Variants in KLHL6 observed in about 807,000 individuals in gnomAD.
KLHL6 encodes kelch-like protein 6.
A neutral mutation model predicts 58.6 loss-of-function variants in KLHL6; 41 were observed. The ratio of observed to expected loss-of-function variants is 0.70; its 90% CI spans 0.55 to 0.91. The LOEUF (loss-of-function observed/expected upper bound fraction) is 0.91, where lower values mean the gene tolerates loss of function less well. KLHL6 is among the 40% of genes least tolerant of loss of function. The probability of loss-of-function intolerance (pLI) is 0.00; values close to 1 mark genes in which losing one functional copy is unlikely to be tolerated. For synonymous variants in KLHL6, 338 were observed against 322.7 expected (o/e 1.05, Z -0.51); for missense variants, 714 against 805.6 (o/e 0.89, Z 1.38).
In KLHL6 at chr3:183,491,743, T is replaced by C. The variant is rs1349014194; in HGVS notation, c.*184A>G. On this transcript the variant is annotated 3_prime_UTR_variant, in exon 7 of 7. Transcript: ENST00000341319. ...CCTCCTGAGGTAGGTCATGCAAACA[T>C]TCCTGGCCGGTCTCAAGTGACCCCA... 6.3e-6 allele frequency: 3 copies of C among 475,010 alleles called. No homozygotes were observed. The highest frequency in any genetic ancestry group is 1.1e-5 in the Non-Finnish European group (3 of 279,732). The allele number at this position is 475,010 out of a possible 1,614,324, so 29.4% of individuals were successfully genotyped here.
intron 1 of KLHL6, among the ~76,000 whole-genome samples, chr3:183,542,188 CT>C (rs1400806143): frequency 6.6e-6 from 1 of 152,192 alleles, no homozygotes; most frequent in African/African-American, 2.4e-5. Context: ...ACCTAAGGGT[CT>C]GCCTAGATTG....
At position 183,494,095 on chromosome 3, in the gene KLHL6, T is replaced by C; in HGVS notation, c.1334A>G (p.His445Arg). The change falls in exon 5 of 7, where the codon CAC becomes CGC. Residue 445 changes from histidine to arginine, a missense_variant. Physicochemically the swap from His to Arg is conservative, Grantham distance 29. This residue lies in a region of KLHL6 where 510 missense variants were observed against 629.7 expected (regional missense o/e 0.81). Coordinates refer to ENST00000341319, the MANE Select transcript of KLHL6 (RefSeq NM_130446.4). Reference protein sequence around the residue: ...INNVETYDPFHNCWSEAAPLL... With the variant: ...INNVETYDPFRNCWSEAAPLL... ...GTCCTATACCTCTGACCAGCAGTTG[T>C]GAAAGGGGTCGTAGGTCTCCACATT... The C allele has an allele frequency of 1.2e-6, 2 of 1,614,156 alleles. No homozygotes were observed. The highest frequency in any genetic ancestry group is 1.3e-5 in the African/African-American group (1 of 75,050).
chr3:183,528,037 T>A, intron 1 of KLHL6, 27 bp from the exon 2 acceptor site: 1 of 1,613,574 alleles, frequency 6.2e-7, no homozygotes, highest in Non-Finnish European at 8.5e-7. Flanking sequence ...TGAATGTGAA[T>A]CGTGCCGAGA....
chr3:183,534,947 TA>T (rs372295530), intron 1 of KLHL6, among the ~76,000 whole-genome samples: 83,103 of 128,094 alleles, frequency 0.65, 27,034 homozygotes, highest in East Asian at 0.77. Flanking sequence ...TATATATATA[TA>T]TATTTTTTTT....
At chr3:183,497,122 C>CA (rs1717734643) in intron 4 of KLHL6, among the ~76,000 whole-genome samples, 3 of 151,806 alleles carry the variant, frequency 2.0e-5, no homozygotes, top group Admixed American at 2.0e-4. Flanking sequence ...ACCAAAAATA[C>CA]AAAAATTAAC....
chr3:183,514,622 A>T (rs1711511356), intron 2 of KLHL6, among the ~76,000 whole-genome samples: 1 of 152,038 alleles, frequency 6.6e-6, no homozygotes, highest in Non-Finnish European at 1.5e-5. Context: ...TATTATAGCC[A>T]TGACTCTATC....
At chr3:183,544,773 C>CAT (rs1712665395) in intron 1 of KLHL6, 1 of 154,240 alleles carries the variant, frequency 6.5e-6, no homozygotes, top group South Asian at 2.1e-4. Flanking sequence ...CACACACACA[C>CAT]ACACACACAC....
chr3:183,540,878 C>T (rs1469226824), intron 1 of KLHL6, among the ~76,000 whole-genome samples: 2 of 152,204 alleles, frequency 1.3e-5, no homozygotes, highest in African/African-American at 4.8e-5. Context: ...GAGGTCGGCT[C>T]AGATTCTCAC....
At chr3:183,535,902 A>T (rs377164815) in intron 1 of KLHL6, among the ~76,000 whole-genome samples, 168 of 152,312 alleles carry the variant, frequency 1.1e-3, no homozygotes, top group African/African-American at 3.6e-3. Context: ...CAGCCTCCTG[A>T]GTAGCTAGGG....
At chr3:183,546,029 G>A (rs529859331) in intron 1 of KLHL6, among the ~76,000 whole-genome samples, 6 of 152,282 alleles carry the variant, frequency 3.9e-5, no homozygotes, top group East Asian at 1.9e-4. Context: ...CAATGGCATC[G>A]AGGAGAAGAA....
chr3:183,512,108 C>G lies in KLHL6; in HGVS notation c.460-3600G>C, dbSNP rs138766511. On this transcript the variant is annotated intron_variant, in intron 2 of 6. Transcript: ENST00000341319. Reference sequence around the variant, plus strand: ...AAGACTAAAAATATGCAACAAAGACCAAGCCTCGTGAGCCCTCAGAACTGG... The same window carrying G: ...AAGACTAAAAATATGCAACAAAGACGAAGCCTCGTGAGCCCTCAGAACTGG... Among the ~76,000 whole-genome samples, 3 of 152,266 alleles carry G rather than the reference C, an allele frequency of 2.0e-5. No individual in the cohort carries two copies. The East Asian group carries it at 5.8e-4, about 29-fold the overall frequency.
At position 183,491,527 on chromosome 3, in the gene KLHL6, A is replaced by C; in HGVS notation, c.*400T>G. On this transcript the variant is annotated 3_prime_UTR_variant, in exon 7 of 7. Transcript: ENST00000341319. ...GACCTGGATTTTAGACTCCTGGGGT[A>C]GCTACTTGCTATCTGAGTGATCAGG... 1 of 171,802 alleles carries C rather than the reference A, an allele frequency of 5.8e-6. No individual in the cohort carries two copies. The highest frequency in any genetic ancestry group is 1.2e-5 in the Non-Finnish European group (1 of 81,512). The allele number at this position is 171,802 out of a possible 1,614,324, so 10.6% of individuals were successfully genotyped here.
intron 1 of KLHL6, among the ~76,000 whole-genome samples, chr3:183,554,917 C>T (rs891943930): frequency 6.6e-6 from 1 of 152,168 alleles, no homozygotes; most frequent in Non-Finnish European, 1.5e-5. Flanking sequence ...GTAATGCCAG[C>T]ACTTTGGGAG....
At chr3:183,496,193 G>A (rs1192679926) in intron 4 of KLHL6, among the ~76,000 whole-genome samples, 1 of 151,992 alleles carries the variant, frequency 6.6e-6, no homozygotes, top group Non-Finnish European at 1.5e-5. Context: ...TATATAAGAA[G>A]AGTTCCAAAA....
In KLHL6 at chr3:183,492,907, C is replaced by T. The variant is rs753369748; in HGVS notation, c.1351-200G>A. On this transcript the variant is annotated intron_variant, in intron 5 of 6. Transcript: ENST00000341319. This position sits in a 1 kb window ranked among gnomAD's most constrained non-coding sequence, Gnocchi z 5.9. ...TTTCCCACCCTCCCTCCAGGCTCCA[C>T]GCAAGCTAGAGCAAGCTGTGTGTTG... is the stretch of plus-strand genomic sequence containing the variant. The T allele has an allele frequency of 1.2e-5, 7 of 564,758 alleles. No homozygotes were observed. The highest frequency in any genetic ancestry group is 2.0e-5 in the South Asian group (1 of 49,652). The allele number at this position is 564,758 out of a possible 1,614,324, so 35.0% of individuals were successfully genotyped here. A position where few individuals can be genotyped will look rare whatever the true frequency, so the allele number is the denominator to read the frequency against.
chr3:183,514,737 C>T (rs1324032451), intron 2 of KLHL6, among the ~76,000 whole-genome samples: 2 of 151,542 alleles, frequency 1.3e-5, no homozygotes, highest in Non-Finnish European at 2.9e-5. Flanking sequence ...GGCACGATCT[C>T]GGCTCATTGC....
At chr3:183,531,858 G>A (rs1160977097) in intron 1 of KLHL6, among the ~76,000 whole-genome samples, 1 of 152,304 alleles carries the variant, frequency 6.6e-6, no homozygotes, top group African/African-American at 2.4e-5. Context: ...CAGCTGGTGA[G>A]GAATTTTGCT....
At chr3:183,502,389 A>G (rs1717891509) in intron 3 of KLHL6, among the ~76,000 whole-genome samples, 1 of 151,978 alleles carries the variant, frequency 6.6e-6, no homozygotes, top group Admixed American at 6.6e-5. Context: ...GTGAGCATCC[A>G]CGATGGCCCC....
intron 1 of KLHL6, among the ~76,000 whole-genome samples, chr3:183,546,416 G>T (rs1331976992): frequency 1.3e-5 from 2 of 152,192 alleles, no homozygotes; most frequent in African/African-American, 4.8e-5. Flanking sequence ...GCAGCCTCCA[G>T]CTTCCAGAGA....
Sources: gnomAD v4.1 joint callset for allele counts (sites outside exome capture counted in the v4.1 genomes callset) on GRCh38, gnomAD v4.1.1 for gene constraint, gnomAD v4.1.1 regional missense constraint, Gnocchi (gnomAD v3.1) non-coding constraint, MANE v1.5 for transcripts, NCBI Gene and HGNC (gene_info 2026-07-23, HGNC 2026-07-21) for gene names.